Variants in THSD4 observed in about 807,000 individuals in gnomAD.
THSD4 encodes thrombospondin type 1 domain containing 4, also known as thrombospondin type-1 domain-containing protein 4.
In THSD4, 69 loss-of-function variants were observed where a neutral mutation model predicts 119.0. The observed-to-expected ratio is 0.58, with a 90% CI of 0.48 to 0.71. The LOEUF (loss-of-function observed/expected upper bound fraction) is 0.71. Among genes scored for constraint, THSD4 ranks in the 30% least tolerant of loss-of-function variants. The probability of loss-of-function intolerance (pLI) is 0.00; values close to 1 mark genes in which losing one functional copy is unlikely to be tolerated. For missense variants in THSD4, 1,393 were observed against 1,391.1 expected (o/e 1.00, Z -0.02); for synonymous variants, 524 against 540.4 (o/e 0.97, Z 0.42).
chr15:71,601,941 G>T (rs1047375125), intron 7 of THSD4, among the ~76,000 whole-genome samples: 1 of 152,144 alleles, frequency 6.6e-6, no homozygotes, highest in South Asian at 2.1e-4. Flanking sequence ...AGACTGAAAG[G>T]GCTTTTTTTC....
Position 71,393,426 on chromosome 15 carries a change from T to C in THSD4, c.1016-18261T>C, listed in dbSNP as rs369141149. ...GCCATGTAAATCCAATGAGCCTTCA[T>C]GCAGGAATAAACTCACCACGCTACC... On this transcript the variant is annotated intron_variant, in intron 6 of 17. Coordinates refer to ENST00000261862, the MANE Select transcript of THSD4 (RefSeq NM_024817.3). 3.7e-4 allele frequency among the ~76,000 whole-genome samples: 56 copies of C among 152,216 alleles called. No individual in the cohort carries two copies. The South Asian group carries it at 8.3e-3, about 23-fold the overall frequency.
At position 71,241,641 on chromosome 15, in the gene THSD4, A is replaced by G. The variant is rs576470753; in HGVS notation, c.465-1008A>G. Among the ~76,000 whole-genome samples the G allele has an allele frequency of 2.0e-5, 3 of 152,316 alleles. No individual in the cohort carries two copies. The South Asian group carries it at 6.2e-4, about 32-fold the overall frequency. On this transcript the variant is annotated intron_variant, in intron 4 of 17. Coordinates refer to ENST00000261862, the MANE Select transcript of THSD4 (RefSeq NM_024817.3). ...GCTCACCAGAGCTCACTGTGTCTTC[A>G]CATTGGTAGCTTGATATCAGCCATG...
intron 7 of THSD4, among the ~76,000 whole-genome samples, chr15:71,568,093 C>A (rs947994667): frequency 6.6e-6 from 1 of 152,078 alleles, no homozygotes; most frequent in East Asian, 1.9e-4. Context: ...CAATTACACA[C>A]CAAAAAGATA....
chr15:71,537,758 T>C (rs28672924), intron 7 of THSD4, among the ~76,000 whole-genome samples: 9,729 of 152,108 alleles, frequency 0.064, 1,008 homozygotes, highest in African/African-American at 0.22. Flanking sequence ...AAATTTTTTT[T>C]TATTTTTTTA....
At chr15:71,404,355 T>G (rs1207046703) in intron 6 of THSD4, among the ~76,000 whole-genome samples, 2 of 152,198 alleles carry the variant, frequency 1.3e-5, no homozygotes, top group African/African-American at 2.4e-5. Context: ...TGGCCTTATA[T>G]GATTTGCTTC....
At chr15:71,312,623 CTAACCTGCCAAGCCACACATGATCATA>C (rs1191974671) in intron 6 of THSD4, among the ~76,000 whole-genome samples, 7 of 152,174 alleles carry the variant, frequency 4.6e-5, no homozygotes, top group East Asian at 1.9e-4. Flanking sequence ...GAAAACTCCT[CTAACCTGCCAAGCCACACATGATCATA>C]TAACCTGCCA....
At chr15:71,412,528 G>A (rs1000531851) in intron 7 of THSD4, among the ~76,000 whole-genome samples, 1 of 152,122 alleles carries the variant, frequency 6.6e-6, no homozygotes, top group African/African-American at 2.4e-5. Flanking sequence ...TGTATTCATG[G>A]AGCTAAGATT....
At chr15:71,246,086 G>A (rs1327147848) in intron 5 of THSD4, among the ~76,000 whole-genome samples, 3 of 152,264 alleles carry the variant, frequency 2.0e-5, no homozygotes, top group South Asian at 4.2e-4. Flanking sequence ...TACAGATGCC[G>A]AGCTTTGACA....
chr15:71,665,358 C>T (rs567952278), intron 8 of THSD4, among the ~76,000 whole-genome samples: 10 of 150,794 alleles, frequency 6.6e-5, no homozygotes, highest in East Asian at 1.9e-4. Context: ...TTTTTTTTTC[C>T]GTAAACTTGT....
At chr15:71,516,717 G>T (rs2048366465) in intron 7 of THSD4, among the ~76,000 whole-genome samples, 1 of 151,716 alleles carries the variant, frequency 6.6e-6, no homozygotes, top group African/African-American at 2.4e-5. Flanking sequence ...CTTTTTTCTT[G>T]CTCTAAGAAC....
rs775978639 is a variant in THSD4, at chr15:71,757,913, G to C, written c.2427G>C (p.Glu809Asp). Residue 809 changes from glutamate to aspartate, a missense_variant, in exon 15 of 18, where the codon GAG (glutamate) becomes GAC (aspartate). Coordinates refer to ENST00000261862, the MANE Select transcript of THSD4 (RefSeq NM_024817.3). Reference sequence around the variant, plus strand: ...CCCCTGTCTCACAGTGCTCAGCGGAGTGTGGGGCCGGAGTGCGGACACGCT... The same window carrying C: ...CCCCTGTCTCACAGTGCTCAGCGGACTGTGGGGCCGGAGTGCGGACACGCT... ...LTEWSERCSAECGAGVRTRSV... is the reference protein window; with the variant it reads ...LTEWSERCSADCGAGVRTRSV... 6.2e-7 allele frequency: 1 copy of C among 1,613,638 alleles called. No individual in the cohort carries two copies. Among genetic ancestry groups the C allele is most frequent in the Non-Finnish European group, 8.5e-7 (1 of 1,180,016 alleles).
chr15:71,384,901 G>T (rs193240101), intron 6 of THSD4, among the ~76,000 whole-genome samples: 1 of 152,282 alleles, frequency 6.6e-6, no homozygotes, highest in African/African-American at 2.4e-5. Context: ...TGTTGGCCTT[G>T]GCTCTCAGAT....
chr15:71,343,747 G>C (rs918145339), intron 6 of THSD4, among the ~76,000 whole-genome samples: 2 of 138,978 alleles, frequency 1.4e-5, no homozygotes, highest in Non-Finnish European at 3.1e-5. Flanking sequence ...ATAGGGTGTT[G>C]CTCTGTTACC....
At chr15:71,551,510 A>C (rs1292010181) in intron 7 of THSD4, among the ~76,000 whole-genome samples, 1 of 152,216 alleles carries the variant, frequency 6.6e-6, no homozygotes, top group Non-Finnish European at 1.5e-5. Flanking sequence ...AGATTCAATT[A>C]TCTGTCGTGA....
intron 8 of THSD4, among the ~76,000 whole-genome samples, chr15:71,724,288 T>TATATATATATATATATATA (rs1491162842): frequency 1.9e-4 from 6 of 31,472 alleles, no homozygotes; most frequent in Non-Finnish European, 2.2e-4. Context: ...TATATATATA[T>TATATATATATATATATATA]TTTTTTTTTC....
At chr15:71,679,956 G>T (rs781034987) in intron 8 of THSD4, among the ~76,000 whole-genome samples, 2 of 152,208 alleles carry the variant, frequency 1.3e-5, no homozygotes, top group African/African-American at 4.8e-5. Flanking sequence ...GAGTTTTTGC[G>T]TGTGTTTTTA....
At chr15:71,708,856 C>G (rs978605933) in intron 8 of THSD4, among the ~76,000 whole-genome samples, 2 of 152,174 alleles carry the variant, frequency 1.3e-5, no homozygotes, top group Non-Finnish European at 2.9e-5. Context: ...GGCCTATTTT[C>G]TCAGCACTGT....
intron 7 of THSD4, among the ~76,000 whole-genome samples, chr15:71,487,724 T>C (rs545183971): frequency 6.6e-6 from 1 of 152,350 alleles, no homozygotes; most frequent in African/African-American, 2.4e-5. Context: ...TAAATTTTTC[T>C]AAGTGACTTT....
chr15:71,435,785 G>A (rs1050170622), intron 7 of THSD4, among the ~76,000 whole-genome samples: 12 of 152,054 alleles, frequency 7.9e-5, no homozygotes, highest in Admixed American at 2.0e-4. Context: ...AACCTGTGAC[G>A]CCTGTGACAC....
Sources: allele counts gnomAD v4.1 joint callset (sites outside exome capture counted in the v4.1 genomes callset), GRCh38; gene constraint gnomAD v4.1.1; transcripts MANE v1.5; gene names NCBI Gene and HGNC (gene_info 2026-07-23, HGNC 2026-07-21).